KY: variants seen among roughly 807,000 people sequenced by gnomAD.
KY encodes the protein kyphoscoliosis peptidase.
Under a neutral mutation model 76.1 loss-of-function variants are expected in KY, and 43 were observed. The observed-to-expected ratio is 0.57, with a 90% CI of 0.44 to 0.73. The LOEUF (loss-of-function observed/expected upper bound fraction) is 0.73, where lower values mean the gene tolerates loss of function less well. KY is among the 30% of genes least tolerant of loss of function. The pLI, the probability that KY is intolerant of heterozygous loss-of-function variation, is 0.00. For synonymous variants in KY, 277 were observed against 326.2 expected, an observed-to-expected ratio of 0.85 and a Z score of 1.63; for missense variants, 722 against 828.9, an observed-to-expected ratio of 0.87 and a Z score of 1.58.
chr3:134,628,982 C>T (rs923331874), intron 4 of KY, among the ~76,000 whole-genome samples: 9 of 152,208 alleles, frequency 5.9e-5, no homozygotes, highest in Admixed American at 5.2e-4. Context: ...GTTCTGCAGC[C>T]TCTGTTACTT....
intron 3 of KY, among the ~76,000 whole-genome samples, chr3:134,630,712 G>T (rs1462280775): frequency 6.6e-6 from 1 of 152,208 alleles, no homozygotes; most frequent in Non-Finnish European, 1.5e-5. Flanking sequence ...GGGCAGATCT[G>T]TATAGCATTG....
At chr3:134,650,170 C>G (rs564085166) in intron 1 of KY, among the ~76,000 whole-genome samples, 1 of 152,312 alleles carries the variant, frequency 6.6e-6, no homozygotes, top group African/African-American at 2.4e-5. Context: ...TTTATTTTAC[C>G]AATCTACAAC....
intron 6 of KY, among the ~76,000 whole-genome samples, chr3:134,623,745 A>C (rs528728454): frequency 4.2e-4 from 64 of 152,244 alleles, no homozygotes; most frequent in African/African-American, 1.4e-3. Flanking sequence ...TTGATGCTGC[A>C]GTAGCCGACA....
chr3:134,635,493 TA>T (rs10647203), intron 3 of KY, among the ~76,000 whole-genome samples: 2 of 79,334 alleles, frequency 2.5e-5, no homozygotes, highest in South Asian at 5.9e-4. Context: ...CGAGACTCTG[TA>T]AAAAAAAAAA....
Position 134,625,131 on chromosome 3 carries a change from G to A in KY, c.405C>T (p.Tyr135=), listed in dbSNP as rs377332009. Residue 135 remains tyrosine (Y), a synonymous_variant, in exon 6 of 11, where the codon TAC becomes TAT. Coordinates refer to ENST00000423778, the MANE Select transcript of KY (RefSeq NM_178554.6). The part of the protein sequence containing the change: ...RQPGGKDAHA[Y]PWDRSSLKSM... ...ATTTCAGGCTAGATCGATCCCAGGG[G>A]TAGGCTGGAAACACAGGGCACCTTG... The A allele has an allele frequency of 1.0e-5, 16 of 1,595,834 alleles. No homozygotes were observed. In the African/African-American group the frequency reaches 1.7e-4, roughly 17 times the overall value.
intron 6 of KY, among the ~76,000 whole-genome samples, chr3:134,621,461 T>TG (rs1217802459): frequency 6.6e-6 from 1 of 152,166 alleles, no homozygotes. Flanking sequence ...GTCCATTCAG[T>TG]GGGGAAAGAA....
chr3:134,621,568 A>G (rs1962623626), intron 6 of KY, among the ~76,000 whole-genome samples: 4 of 152,206 alleles, frequency 2.6e-5, no homozygotes, highest in East Asian at 3.8e-4. Context: ...AAACAACTCA[A>G]AATGGATCAG....
chr3:134,618,788 C>T (rs1476995599), intron 8 of KY, among the ~76,000 whole-genome samples: 2 of 152,202 alleles, frequency 1.3e-5, no homozygotes, highest in East Asian at 1.9e-4. Flanking sequence ...TGAGGACAGC[C>T]TTTCACAGTC....
intron 6 of KY, among the ~76,000 whole-genome samples, chr3:134,623,871 C>G (rs1408353049): frequency 6.6e-6 from 1 of 152,150 alleles, no homozygotes; most frequent in Non-Finnish European, 1.5e-5. Context: ...TGGCCTTGCC[C>G]CAGCCCCTTT....
intron 8 of KY, chr3:134,610,598 C>G: frequency 1.9e-6 from 1 of 523,502 alleles, no homozygotes; most frequent in Non-Finnish European, 3.4e-6. Flanking sequence ...CCTGTTGGTA[C>G]AGACTGGCTG....
In KY at chr3:134,616,132, C is replaced by T. The variant is rs145368905; in HGVS notation, c.710+3016G>A. Among the ~76,000 whole-genome samples, 537 of 152,262 alleles carry T rather than the reference C, an allele frequency of 3.5e-3. 2 individuals carry two copies. Among genetic ancestry groups the T allele is most frequent in the African/African-American group, 0.012 (511 of 41,558 alleles). ...AATTAGGCAGAATCAACTAAGGATG[C>T]AGGCAACTGAGGCAAAAAGAGAGAC... On this transcript the variant is annotated intron_variant, in intron 8 of 10. Transcript: ENST00000423778.
At chr3:134,630,704 G>A (rs948634562) in intron 3 of KY, among the ~76,000 whole-genome samples, 2 of 152,182 alleles carry the variant, frequency 1.3e-5, no homozygotes, top group Non-Finnish European at 2.9e-5. Context: ...CACATGCAGG[G>A]CAGATCTGTA....
intron 3 of KY, among the ~76,000 whole-genome samples, chr3:134,642,869 C>A (rs1025307684): frequency 8.5e-5 from 13 of 152,200 alleles, no homozygotes; most frequent in African/African-American, 3.1e-4. Flanking sequence ...GAACACATGA[C>A]AGCCTTTCCA....
At chr3:134,647,616 A>G in intron 1 of KY, 119 bp from the exon 2 acceptor site, 1 of 618,092 alleles carries the variant, frequency 1.6e-6, no homozygotes, top group South Asian at 2.0e-5. Context: ...GGAATCTGAG[A>G]GAGGCTACCC....
intron 5 of KY, among the ~76,000 whole-genome samples, chr3:134,626,959 A>G (rs900713389): frequency 6.6e-6 from 1 of 152,208 alleles, no homozygotes; most frequent in Admixed American, 6.5e-5. Flanking sequence ...AAGTGCATTC[A>G]AAGTGGACTC....
chr3:134,624,688 C>T (rs1458701478), intron 6 of KY, among the ~76,000 whole-genome samples: 1 of 152,224 alleles, frequency 6.6e-6, no homozygotes, highest in East Asian at 1.9e-4. Flanking sequence ...CTCCCATCCT[C>T]TCCTCCCTTC....
At chr3:134,607,973 C>T in intron 10 of KY, 1 of 1,012,514 alleles carries the variant, frequency 9.9e-7, no homozygotes, top group Non-Finnish European at 1.2e-6. Context: ...TAGAACATGT[C>T]CATCTCTGTC....
chr3:134,604,210 A>G lies in KY; in HGVS notation c.1355T>C (p.Val452Ala). ...VQLPAELHQP[V>A]GPSWFSEQMG... ...CTGCTCCGAGAACCAGCTGGGGCCCACGGGCTGGTGAAGCTCAGCAGGCAG... is the reference window on the plus strand; with the variant it reads ...CTGCTCCGAGAACCAGCTGGGGCCCGCGGGCTGGTGAAGCTCAGCAGGCAG... The change falls in exon 11 of 11, where the codon GTG becomes GCG. Residue 452 changes from valine to alanine, a missense_variant. Transcript: ENST00000423778. 6.2e-7 allele frequency: 1 copy of G among 1,613,028 alleles called. No individual in the cohort carries two copies. Among genetic ancestry groups the G allele is most frequent in the Non-Finnish European group, 8.5e-7 (1 of 1,179,570 alleles).
chr3:134,643,667 G>A (rs900035497), intron 2 of KY, among the ~76,000 whole-genome samples: 5 of 152,190 alleles, frequency 3.3e-5, no homozygotes, highest in Non-Finnish European at 5.9e-5. Context: ...CATGGTCTTT[G>A]TAGCCATAAC....
Sources: gnomAD v4.1 joint callset for allele counts (sites outside exome capture counted in the v4.1 genomes callset) on GRCh38, gnomAD v4.1.1 for gene constraint, MANE v1.5 for transcripts, NCBI Gene and HGNC (gene_info 2026-07-23, HGNC 2026-07-21) for gene names.